FREM2: variants seen among roughly 807,000 people sequenced by gnomAD.
FREM2 encodes the protein FRAS1 related extracellular matrix 2, also known as FRAS1-related extracellular matrix protein 2.
FREM2 carries 119 observed loss-of-function variants against 219.9 expected under a neutral mutation model. That is an observed-to-expected ratio of 0.54 (90% CI 0.47 to 0.63). The LOEUF is 0.63. Among genes scored for constraint, FREM2 ranks in the 30% least tolerant of loss-of-function variants. FREM2 has a pLI of 0.00. For missense variants in FREM2, 4,030 were observed against 3,993.6 expected (o/e 1.01, Z -0.25); for synonymous variants, 1,562 against 1,522.8 (o/e 1.03, Z -0.60).
At position 38,807,188 on chromosome 13, in the gene FREM2, GTTATATATATATATATATATATATATAT is replaced by G. The variant is rs1376569177; in HGVS notation, c.6019+22381_6019+22408del. 3.8e-4 allele frequency among the ~76,000 whole-genome samples: 25 copies of G among 66,408 alleles called. 3 individuals carry two copies. The highest frequency in any genetic ancestry group is 7.0e-4 in the African/African-American group (16 of 22,864). 43.6% of individuals were successfully genotyped at this position (66,408 alleles called of 152,430 possible). A position where few individuals can be genotyped will look rare whatever the true frequency, so the allele number is the denominator to read the frequency against. Reference sequence around the variant, plus strand: ...ACCTTTTTGCAGAGATCTTGTCTCTGTTATATATATATATATATATATATATATATATATATATATGTATGGTTTTGTT... The same window carrying G: ...ACCTTTTTGCAGAGATCTTGTCTCTGATATATATATATGTATGGTTTTGTT... On this transcript the variant is annotated intron_variant, in intron 6 of 23. Transcript: ENST00000280481.
At chr13:38,758,812 A>G (rs376606614) in intron 2 of FREM2, among the ~76,000 whole-genome samples, 2 of 152,226 alleles carry the variant, frequency 1.3e-5, no homozygotes, top group East Asian at 3.9e-4. Context: ...TGGTAGCTGC[A>G]TGGTTGCTAA....
Position 38,707,103 on chromosome 13 carries a change from G to A in FREM2, c.5263+9316G>A, listed in dbSNP as rs972282643. On this transcript the variant is annotated intron_variant, in intron 2 of 23. Coordinates refer to ENST00000280481, the MANE Select transcript of FREM2 (RefSeq NM_207361.6). ...ACTAAGATTATTAATTTATTAATCC[G>A]GTTCTGCCCTTTATAAAAAAAATTG... Among the ~76,000 whole-genome samples the A allele has an allele frequency of 3.3e-5, 5 of 152,002 alleles. No individual in the cohort carries two copies. The East Asian group carries it at 5.8e-4, about 18-fold the overall frequency.
chr13:38,784,410 G>T, intron 5 of FREM2, 147 bp from the exon 6 acceptor site: 2 of 784,042 alleles, frequency 2.6e-6, no homozygotes, highest in Non-Finnish European at 4.3e-6. Flanking sequence ...CATGATACTA[G>T]AACAGTACGT....
At chr13:38,877,376 C>T (rs1229814693) in intron 21 of FREM2, 133 bp downstream of exon 21, 2 of 991,740 alleles carry the variant, frequency 2.0e-6, no homozygotes, top group African/African-American at 1.6e-5. Context: ...GGGTCTTTAC[C>T]CACTCTGGCT....
chr13:38,780,094 T>C (rs1874058691), intron 4 of FREM2, among the ~76,000 whole-genome samples: 1 of 152,226 alleles, frequency 6.6e-6, no homozygotes, highest in South Asian at 2.1e-4. Context: ...AGTTTAGATT[T>C]CCATTCGGAC....
chr13:38,688,002 A>T lies in FREM2; in HGVS notation c.658A>T (p.Ile220Phe). The change falls in exon 1 of 24, where the codon ATC (isoleucine) becomes TTC (phenylalanine). Residue 220 changes from isoleucine to phenylalanine, a missense_variant. Coordinates refer to ENST00000280481, the MANE Select transcript of FREM2 (RefSeq NM_207361.6). ...QPETEECRVG[I>F]LSGLGALPRY... ...CGAGACAGAGGAGTGCCGCGTGGGC[A>T]TCCTGTCCGGCTTGGGCGCGCTGCC... 1 of 1,612,346 alleles carries T rather than the reference A, an allele frequency of 6.2e-7. No homozygotes were observed.
chr13:38,799,851 T>C (rs1259278695), intron 6 of FREM2, among the ~76,000 whole-genome samples: 5 of 152,150 alleles, frequency 3.3e-5, no homozygotes, highest in Admixed American at 3.3e-4. Flanking sequence ...ATTTTGAATC[T>C]ATATGTGTCT....
chr13:38,692,622 G>A, intron 1 of FREM2, 105 bp downstream of exon 1: 1 of 1,318,418 alleles, frequency 7.6e-7, no homozygotes. Flanking sequence ...GAGAAGGAAA[G>A]GAAACAAAGG....
chr13:38,861,983 A>G (rs1184647986), intron 15 of FREM2, among the ~76,000 whole-genome samples: 1 of 152,216 alleles, frequency 6.6e-6, no homozygotes, highest in Non-Finnish European at 1.5e-5. Flanking sequence ...CATTTCCAAG[A>G]TATTTAAATA....
intron 6 of FREM2, among the ~76,000 whole-genome samples, chr13:38,815,548 AG>A (rs1246394873): frequency 6.6e-6 from 1 of 152,210 alleles, no homozygotes; most frequent in Non-Finnish European, 1.5e-5. Flanking sequence ...GGATGATGAG[AG>A]GCTGCTTTAA....
In FREM2 at chr13:38,885,862, C is replaced by T. The variant is rs1054639172; in HGVS notation, c.*5075C>T. The T allele has an allele frequency of 1.3e-5, 2 of 152,164 alleles. No homozygotes were observed. Among genetic ancestry groups the T allele is most frequent in the Non-Finnish European group, 2.9e-5 (2 of 68,020 alleles). 9.4% of individuals were successfully genotyped at this position (152,164 alleles called of 1,614,324 possible). A position where few individuals can be genotyped will look rare whatever the true frequency, so the allele number is the denominator to read the frequency against. ...ATTAAGAATAATAAGTCAAATATCA[C>T]ATGTATGTAGTTCTTTTGGATGACC... On this transcript the variant is annotated 3_prime_UTR_variant, in exon 24 of 24. Transcript: ENST00000280481.
At position 38,708,508 on chromosome 13, in the gene FREM2, G is replaced by A. The variant is rs368898559; in HGVS notation, c.5263+10721G>A. The stretch of plus-strand genomic sequence containing the variant: ...GTCTCTACTAAAAATACAAAAATTA[G>A]CTGGGCCTGGTAGCGTGTGCCTGTA... On this transcript the variant is annotated intron_variant, in intron 2 of 23. Transcript: ENST00000280481. 6.6e-5 allele frequency among the ~76,000 whole-genome samples: 10 copies of A among 152,112 alleles called. 1 individual carries two copies. The highest frequency in any genetic ancestry group is 2.4e-4 in the African/African-American group (10 of 41,510).
Position 38,690,415 on chromosome 13 carries a change from G to T in FREM2, c.3071G>T (p.Gly1024Val). 4 of 1,614,172 alleles carry T rather than the reference G, an allele frequency of 2.5e-6. No individual in the cohort carries two copies. The highest frequency in any genetic ancestry group is 3.4e-6 in the Non-Finnish European group (4 of 1,180,008). Residue 1024 changes from glycine to valine, a missense_variant, in exon 1 of 24, where the codon GGC becomes GTC. By Grantham distance (109) the Gly-to-Val change is moderately radical. Transcript: ENST00000280481. Reference sequence around the variant, plus strand: ...TATACCCACACCAGTGGTGAGATAGGCCTATTGCCTAAAGCGGATTCTTTT... The same window carrying T: ...TATACCCACACCAGTGGTGAGATAGTCCTATTGCCTAAAGCGGATTCTTTT... The part of the protein sequence containing the change: ...VVYTHTSGEI[G>V]LLPKADSFNL...
chr13:38,821,792 C>T (rs893883125), intron 6 of FREM2: 65 of 152,068 alleles, frequency 4.3e-4, no homozygotes, highest in African/African-American at 1.5e-3. Flanking sequence ...AGACACTAGC[C>T]CAATCTATAG....
At chr13:38,724,725 A>T (rs559686695) in intron 2 of FREM2, among the ~76,000 whole-genome samples, 3 of 152,316 alleles carry the variant, frequency 2.0e-5, no homozygotes, top group African/African-American at 7.2e-5. Flanking sequence ...TGTTTGGCTC[A>T]ACTTTGTTCC....
At chr13:38,742,680 G>C (rs553374283) in intron 2 of FREM2, among the ~76,000 whole-genome samples, 24 of 152,014 alleles carry the variant, frequency 1.6e-4, no homozygotes, top group Admixed American at 1.3e-3. Flanking sequence ...TTTTTTGTGG[G>C]GCTTCCCAGT....
At chr13:38,795,249 A>T (rs912257293) in intron 6 of FREM2, among the ~76,000 whole-genome samples, 2 of 151,922 alleles carry the variant, frequency 1.3e-5, no homozygotes, top group Admixed American at 6.6e-5. Context: ...GTCACTAAAA[A>T]TTTGCAGTTG....
At chr13:38,769,989 C>T (rs187690841) in intron 4 of FREM2, among the ~76,000 whole-genome samples, 181 bp downstream of exon 4, 175 of 149,282 alleles carry the variant, frequency 1.2e-3, no homozygotes, top group Middle Eastern at 3.6e-3. Flanking sequence ...TAAAAAGTAA[C>T]GAAAGAATGC....
chr13:38,819,077 CAAAG>C (rs1386798316), intron 6 of FREM2, among the ~76,000 whole-genome samples: 1 of 151,980 alleles, frequency 6.6e-6, no homozygotes, highest in African/African-American at 2.4e-5. Context: ...AATTTAAAAA[CAAAG>C]AAGAAGGCAA....
Sources: allele counts gnomAD v4.1 joint callset (sites outside exome capture counted in the v4.1 genomes callset), GRCh38; gene constraint gnomAD v4.1.1; transcripts MANE v1.5; gene names NCBI Gene and HGNC (gene_info 2026-07-23, HGNC 2026-07-21).